Variants in UBR1 observed in about 807,000 individuals in gnomAD.
UBR1 encodes ubiquitin protein ligase E3 component n-recognin 1.
In UBR1, 102 loss-of-function variants were observed where a neutral mutation model predicts 242.1. The ratio of observed to expected loss-of-function variants is 0.42; its 90% CI spans 0.36 to 0.50. The LOEUF (loss-of-function observed/expected upper bound fraction) is 0.50, where lower values mean the gene tolerates loss of function less well. UBR1 is among the 20% of genes least tolerant of loss of function. The pLI is 0.01. For missense variants in UBR1, 1,772 were observed against 2,101.8 expected (o/e 0.84, Z 3.07); for synonymous variants, 675 against 684.8 (o/e 0.99, Z 0.22).
intron 6 of UBR1, among the ~76,000 whole-genome samples, chr15:43,061,520 TACAC>T (rs756319254): frequency 4.0e-4 from 61 of 151,974 alleles, no homozygotes; most frequent in Admixed American, 2.4e-3. Context: ...TAGATATAGA[TACAC>T]ACACACACAT....
chr15:43,036,857 G>A (rs1290283045), intron 17 of UBR1, among the ~76,000 whole-genome samples: 1 of 151,116 alleles, frequency 6.6e-6, no homozygotes, highest in African/African-American at 2.4e-5. Context: ...TTTTCCCTAA[G>A]TTTAAAATAC....
At chr15:43,021,215 C>T in intron 27 of UBR1, 60 bp downstream of exon 27, 2 of 1,415,206 alleles carry the variant, frequency 1.4e-6, no homozygotes, top group Non-Finnish European at 2.0e-6. Context: ...ACACTGGAGG[C>T]AAGCAGAGAA....
chr15:43,019,334 A>T (rs1166977379), intron 27 of UBR1, among the ~76,000 whole-genome samples: 1 of 152,192 alleles, frequency 6.6e-6, no homozygotes, highest in East Asian at 1.9e-4. Flanking sequence ...AAGTGCTGGG[A>T]TTACAGGCGT....
intron 30 of UBR1, among the ~76,000 whole-genome samples, chr15:43,005,897 G>A (rs866207221): frequency 6.8e-6 from 1 of 148,056 alleles, no homozygotes; most frequent in Middle Eastern, 3.2e-3. Context: ...CAGCATGCTC[G>A]TTAAGAGTCA....
In UBR1 at chr15:42,952,462, A is replaced by T. The variant is rs754932813; in HGVS notation, c.4836-14T>A. On this transcript the variant is annotated splice_polypyrimidine_tract_variant and intron_variant, in intron 44 of 46. Transcript: ENST00000290650. Reference sequence around the variant, plus strand: ...GACCGTGGGCACCTCAAAAGAGAAGAAAACATTTAGAGAATGATGGAAAAA... The same window carrying T: ...GACCGTGGGCACCTCAAAAGAGAAGTAAACATTTAGAGAATGATGGAAAAA... The T allele has an allele frequency of 6.2e-7, 1 of 1,614,152 alleles. No individual in the cohort carries two copies. Among genetic ancestry groups the T allele is most frequent in the Non-Finnish European group, 8.5e-7 (1 of 1,179,972 alleles).
At chr15:42,984,081 T>C in intron 36 of UBR1, 88 bp from the exon 37 acceptor site, 1 of 946,848 alleles carries the variant, frequency 1.1e-6, no homozygotes, top group Non-Finnish European at 1.6e-6. Context: ...AAACCAACTC[T>C]AGTTTGTCGG....
chr15:43,046,062 C>T (rs1323022199), intron 14 of UBR1, among the ~76,000 whole-genome samples: 1 of 152,162 alleles, frequency 6.6e-6, no homozygotes, highest in Non-Finnish European at 1.5e-5. Context: ...AGAAGCCAGA[C>T]TGTAAAGAAG....
chr15:43,013,784 C>A (rs550895196), intron 29 of UBR1, among the ~76,000 whole-genome samples: 1 of 152,294 alleles, frequency 6.6e-6, no homozygotes, highest in Non-Finnish European at 1.5e-5. Flanking sequence ...TTTCTCTTGC[C>A]ATAAAATCCA....
At chr15:43,027,679 G>A (rs967813310) in intron 22 of UBR1, 97 bp downstream of exon 22, 107 of 1,120,354 alleles carry the variant, frequency 9.6e-5, no homozygotes, top group Non-Finnish European at 1.4e-4. Context: ...ATTCTTGGGA[G>A]TTCAGGCAAG....
At chr15:42,958,573 T>G (rs558039497) in intron 43 of UBR1, among the ~76,000 whole-genome samples, 18 of 152,260 alleles carry the variant, frequency 1.2e-4, no homozygotes, top group Non-Finnish European at 1.8e-4. Context: ...ACTTATCAAT[T>G]AAAAGGCTAA....
intron 5 of UBR1, among the ~76,000 whole-genome samples, chr15:43,070,382 C>T (rs2033810220): frequency 6.6e-6 from 1 of 151,774 alleles, no homozygotes; most frequent in African/African-American, 2.4e-5. Flanking sequence ...GAGCTAAAAA[C>T]CCGGGCTAAA....
At chr15:43,058,980 C>T in intron 9 of UBR1, 105 bp downstream of exon 9, 1 of 898,416 alleles carries the variant, frequency 1.1e-6, no homozygotes, top group Non-Finnish European at 1.8e-6. Context: ...ATCAAGATTA[C>T]AGATTTAATA....
At chr15:42,981,874 T>G (rs548313052) in intron 37 of UBR1, among the ~76,000 whole-genome samples, 1 of 152,232 alleles carries the variant, frequency 6.6e-6, no homozygotes, top group African/African-American at 2.4e-5. Context: ...ACATATCTGA[T>G]AGCCCTAACA....
At position 43,086,260 on chromosome 15, in the gene UBR1, A is replaced by G; in HGVS notation, c.82-20T>C. 1 of 1,613,256 alleles carries G rather than the reference A, an allele frequency of 6.2e-7. No individual in the cohort carries two copies. Among genetic ancestry groups the G allele is most frequent in the Non-Finnish European group, 8.5e-7 (1 of 1,179,868 alleles). Reference sequence around the variant, plus strand: ...CCACCACTAAAAGAAAAGAAGATGAAAATTAGACTGACTTACAAGTTCCTT... The same window carrying G: ...CCACCACTAAAAGAAAAGAAGATGAGAATTAGACTGACTTACAAGTTCCTT... On this transcript the variant is annotated intron_variant, in intron 1 of 46. Coordinates refer to ENST00000290650, the MANE Select transcript of UBR1 (RefSeq NM_174916.3).
At chr15:43,028,067 A>T (rs1388255992) in intron 21 of UBR1, among the ~76,000 whole-genome samples, 1 of 152,210 alleles carries the variant, frequency 6.6e-6, no homozygotes, top group African/African-American at 2.4e-5. Flanking sequence ...GTTTGCCTTC[A>T]TATGTGTGTA....
intron 21 of UBR1, among the ~76,000 whole-genome samples, chr15:43,028,759 AC>A (rs2033211660): frequency 1.3e-5 from 2 of 150,088 alleles, no homozygotes; most frequent in Admixed American, 1.3e-4. Flanking sequence ...AAAAAAAAAA[AC>A]AAACAAACAA....
In UBR1 at chr15:42,945,257, A is replaced by C. The variant is rs2141245212; in HGVS notation, c.*72T>G. ...CTCCAATACTTTCCCAGCCCTCAGA[A>C]AGTTTTCCATAATTTTGAATCAGCC... On this transcript the variant is annotated 3_prime_UTR_variant, in exon 47 of 47. Transcript: ENST00000290650. 1 of 1,610,100 alleles carries C rather than the reference A, an allele frequency of 6.2e-7. No homozygotes were observed. The highest frequency in any genetic ancestry group is 8.5e-7 in the Non-Finnish European group (1 of 1,177,260).
At chr15:43,003,963 G>A (rs779339749) in intron 30 of UBR1, 33 bp from the exon 31 acceptor site, 4 of 1,595,362 alleles carry the variant, frequency 2.5e-6, no homozygotes, top group African/African-American at 1.3e-5. Flanking sequence ...GGGAAAAAGA[G>A]AGACAGGTTA....
chr15:42,973,552 C>T (rs1241292717), intron 39 of UBR1, among the ~76,000 whole-genome samples: 5 of 152,162 alleles, frequency 3.3e-5, no homozygotes, highest in Non-Finnish European at 7.3e-5. Context: ...CCTTGGCCTC[C>T]CAAAGGGCTG....
Sources: allele counts gnomAD v4.1 joint callset (sites outside exome capture counted in the v4.1 genomes callset), GRCh38; gene constraint gnomAD v4.1.1; transcripts MANE v1.5; gene names NCBI Gene and HGNC (gene_info 2026-07-23, HGNC 2026-07-21).